NSL1: variants seen among roughly 807,000 people sequenced by gnomAD.
NSL1 encodes the protein kinetochore-associated protein NSL1 homolog.
Under a neutral mutation model 25.4 loss-of-function variants are expected in NSL1, and 11 were observed. That is an observed-to-expected ratio of 0.43 (90% CI 0.27 to 0.72). NSL1 has a LOEUF of 0.72. Ranked by LOEUF, NSL1 falls within the 30% of genes least tolerant of loss-of-function variation. NSL1 has a pLI of 0.19. For missense variants in NSL1, 330 were observed against 342.7 expected (o/e 0.96, Z 0.29); for synonymous variants, 118 against 120.6 (o/e 0.98, Z 0.14).
chr1:212,733,296 A>G lies in NSL1; in HGVS notation c.*5112T>C, dbSNP rs1413528102. 6.6e-6 allele frequency among the ~76,000 whole-genome samples: 1 copy of G among 152,016 alleles called. No individual in the cohort carries two copies. The highest frequency in any genetic ancestry group is 2.4e-5 in the African/African-American group (1 of 41,400). ...AAAATACAAAAATTAGCTGGGCATGATGGTGCATGCCTATAGTCCCACCTA... is the reference window on the plus strand; with the variant it reads ...AAAATACAAAAATTAGCTGGGCATGGTGGTGCATGCCTATAGTCCCACCTA... On this transcript the variant is annotated 3_prime_UTR_variant, in exon 6 of 6. Transcript: ENST00000366977.
intron 4 of NSL1, among the ~76,000 whole-genome samples, chr1:212,747,001 C>T (rs1036152472): frequency 1.3e-5 from 2 of 152,062 alleles, no homozygotes; most frequent in Admixed American, 6.6e-5. Context: ...AAAAATTAGC[C>T]AGGCATGGAG....
intron 4 of NSL1, among the ~76,000 whole-genome samples, chr1:212,775,133 A>G (rs1660302059): frequency 6.6e-6 from 1 of 152,214 alleles, no homozygotes; most frequent in Non-Finnish European, 1.5e-5. Flanking sequence ...TAATTGAAAG[A>G]AGCTGATCAC....
intron 4 of NSL1, among the ~76,000 whole-genome samples, chr1:212,747,871 T>C (rs1390330128): frequency 6.6e-6 from 1 of 152,130 alleles, no homozygotes; most frequent in African/African-American, 2.4e-5. Context: ...TTCAAGTGAT[T>C]GTCATATCTC....
chr1:212,774,238 G>A (rs1660253974), intron 4 of NSL1, among the ~76,000 whole-genome samples: 2 of 152,148 alleles, frequency 1.3e-5, no homozygotes, highest in African/African-American at 4.8e-5. Flanking sequence ...AGCTAGAAGA[G>A]AAGATCTGAA....
At chr1:212,767,851 C>T (rs902040206) in intron 4 of NSL1, among the ~76,000 whole-genome samples, 1 of 152,046 alleles carries the variant, frequency 6.6e-6, no homozygotes, top group Admixed American at 6.6e-5. Context: ...CAGAGAAATG[C>T]AAATTAAAAC....
Position 212,731,914 on chromosome 1 carries a change from A to G in NSL1, c.*6494T>C. On this transcript the variant is annotated 3_prime_UTR_variant, in exon 6 of 6. Coordinates refer to ENST00000366977, the MANE Select transcript of NSL1 (RefSeq NM_015471.4). ...CCCTGCCCCAGGACCCAGCAGCTATAAGGGCCTCCACACCCCACCTTACTG... is the reference window on the plus strand; with the variant it reads ...CCCTGCCCCAGGACCCAGCAGCTATGAGGGCCTCCACACCCCACCTTACTG... 2 of 985,368 alleles carry G rather than the reference A, an allele frequency of 2.0e-6. No individual in the cohort carries two copies. Among genetic ancestry groups the G allele is most frequent in the Non-Finnish European group, 2.4e-6 (2 of 829,910 alleles). The allele number at this position is 985,368 out of a possible 1,614,324, so 61.0% of individuals were successfully genotyped here. A position where few individuals can be genotyped will look rare whatever the true frequency, so the allele number is the denominator to read the frequency against.
intron 4 of NSL1, among the ~76,000 whole-genome samples, chr1:212,741,022 G>A (rs1658478490): frequency 6.6e-6 from 1 of 152,148 alleles, no homozygotes; most frequent in South Asian, 2.1e-4. Flanking sequence ...AAAATGGAAG[G>A]AAATGCTAAA....
intron 1 of NSL1, among the ~76,000 whole-genome samples, chr1:212,788,423 A>G (rs1167135918): frequency 6.6e-6 from 1 of 152,236 alleles, no homozygotes; most frequent in Admixed American, 6.5e-5. Flanking sequence ...CAAAATTTTG[A>G]CAACTGTTGA....
In NSL1 at chr1:212,731,151, T is replaced by C; in HGVS notation, c.*7257A>G. The C allele has an allele frequency of 1.1e-6, 1 of 942,358 alleles. No individual in the cohort carries two copies. The highest frequency in any genetic ancestry group is 5.1e-5 in the South Asian group (1 of 19,622). The allele number at this position is 942,358 out of a possible 1,614,324, so 58.4% of individuals were successfully genotyped here. A position where few individuals can be genotyped will look rare whatever the true frequency, so the allele number is the denominator to read the frequency against. ...TTTTTTTCTTCAGAGACTTTCATAA[T>C]ATAATCTATTTGCAAAACAAATGGT... On this transcript the variant is annotated 3_prime_UTR_variant, in exon 6 of 6. Coordinates refer to ENST00000366977, the MANE Select transcript of NSL1 (RefSeq NM_015471.4).
In NSL1 at chr1:212,755,503, A is replaced by G. The variant is rs543983243; in HGVS notation, c.500-15902T>C. Among the ~76,000 whole-genome samples the G allele has an allele frequency of 1.1e-3, 170 of 151,882 alleles. 3 individuals are homozygous for G. The Middle Eastern group carries it at 0.017, about 15-fold the overall frequency. On this transcript the variant is annotated intron_variant, in intron 4 of 5. Coordinates refer to ENST00000366977, the MANE Select transcript of NSL1 (RefSeq NM_015471.4). ...TAAGCAAGAAAAAAATTACCAATAA[A>G]AACCATGGAGTTGAACTATGTTACA...
Position 212,733,433 on chromosome 1 carries a change from C to CAAAAAAAA in NSL1, c.*4967_*4974dup, listed in dbSNP as rs140675222. Among the ~76,000 whole-genome samples the CAAAAAAAA allele has an allele frequency of 2.2e-5, 3 of 135,886 alleles. No individual in the cohort carries two copies. Among genetic ancestry groups the CAAAAAAAA allele is most frequent in the African/African-American group, 8.1e-5 (3 of 37,266 alleles). 89.1% of individuals were successfully genotyped at this position (135,886 alleles called of 152,430 possible). On this transcript the variant is annotated 3_prime_UTR_variant, in exon 6 of 6. Transcript: ENST00000366977. ...GGCAACACAGCAAGACCTTGTTTCA[C>CAAAAAAAA]AAAAAAAAAAAAAAAAAAATCCCAT...
Position 212,736,110 on chromosome 1 carries a change from T to A in NSL1, c.*2298A>T, listed in dbSNP as rs1337053480. On this transcript the variant is annotated 3_prime_UTR_variant, in exon 6 of 6. Coordinates refer to ENST00000366977, the MANE Select transcript of NSL1 (RefSeq NM_015471.4). Reference sequence around the variant, plus strand: ...TGGAGTACAGTGGTGCCATCCTGGCTCACTGCAACTTCTGCCTCCAGGGCT... The same window carrying A: ...TGGAGTACAGTGGTGCCATCCTGGCACACTGCAACTTCTGCCTCCAGGGCT... The A allele has an allele frequency of 1.4e-5, 13 of 923,134 alleles. No homozygotes were observed. Among genetic ancestry groups the A allele is most frequent in the Non-Finnish European group, 1.7e-5 (13 of 773,362 alleles). The allele number at this position is 923,134 out of a possible 1,614,324, so 57.2% of individuals were successfully genotyped here.
chr1:212,757,833 G>A (rs1241635063), intron 4 of NSL1, among the ~76,000 whole-genome samples: 1 of 152,216 alleles, frequency 6.6e-6, no homozygotes, highest in African/African-American at 2.4e-5. Context: ...ATTAATCAGT[G>A]AGAAAGCTAT....
Position 212,733,774 on chromosome 1 carries a change from G to A in NSL1, c.*4634C>T, listed in dbSNP as rs1465896181. ...AACCTGCTGCTACAAACATTTGTGT[G>A]TAAGTTATTGTGTGAGCATGTTTTC... On this transcript the variant is annotated 3_prime_UTR_variant, in exon 6 of 6. Transcript: ENST00000366977. Among the ~76,000 whole-genome samples, 4 of 152,212 alleles carry A rather than the reference G, an allele frequency of 2.6e-5. No homozygotes were observed. The South Asian group carries it at 8.3e-4, about 31-fold the overall frequency.
At chr1:212,755,973 A>G (rs1313075181) in intron 4 of NSL1, among the ~76,000 whole-genome samples, 1 of 152,212 alleles carries the variant, frequency 6.6e-6, no homozygotes, top group Non-Finnish European at 1.5e-5. Flanking sequence ...TGCCCCCAAA[A>G]TGTCCAGTGC....
At position 212,734,682 on chromosome 1, in the gene NSL1, T is replaced by C. The variant is rs549175522; in HGVS notation, c.*3726A>G. On this transcript the variant is annotated 3_prime_UTR_variant, in exon 6 of 6. Transcript: ENST00000366977. The stretch of plus-strand genomic sequence containing the variant: ...ATAGTATCTTTGATATTGATCCACA[T>C]TGTTATAACAGTAATTTGTTCTTTA... Among the ~76,000 whole-genome samples the C allele has an allele frequency of 1.3e-5, 2 of 152,226 alleles. No homozygotes were observed. The highest frequency in any genetic ancestry group is 1.9e-4 in the East Asian group (1 of 5,206).
chr1:212,738,400 G>A lies in NSL1; in HGVS notation c.*8C>T. 2.5e-6 allele frequency: 4 copies of A among 1,600,634 alleles called. No homozygotes were observed. Among genetic ancestry groups the A allele is most frequent in the South Asian group, 1.1e-5 (1 of 88,986 alleles). The stretch of plus-strand genomic sequence containing the variant: ...CTATTTTCAACTCCCAAAATAAACA[G>A]AAAGAGCTCATGTATCAAGATTAAT... On this transcript the variant is annotated 3_prime_UTR_variant, in exon 6 of 6. Transcript: ENST00000366977.
chr1:212,730,747 C>T lies in NSL1; in HGVS notation c.*7661G>A, dbSNP rs147775510. ...GGGAATTAGACTTAGTTCTAGTAGA[C>T]GTAGTTCTAGTAGACAGGAGACTCT... On this transcript the variant is annotated 3_prime_UTR_variant, in exon 6 of 6. Coordinates refer to ENST00000366977, the MANE Select transcript of NSL1 (RefSeq NM_015471.4). The T allele has an allele frequency of 6.2e-5, 61 of 985,332 alleles. No homozygotes were observed. The highest frequency in any genetic ancestry group is 4.5e-4 in the African/African-American group (26 of 57,314). The allele number at this position is 985,332 out of a possible 1,614,324, so 61.0% of individuals were successfully genotyped here.
rs1657958609 is a variant in NSL1, at chr1:212,730,236, T to TAAA, written c.*8171_*8172insTTT. On this transcript the variant is annotated 3_prime_UTR_variant, in exon 6 of 6. Coordinates refer to ENST00000366977, the MANE Select transcript of NSL1 (RefSeq NM_015471.4). ...CTACACTCCAGCCTGGGTGACAGTC[T>TAAA]CAAAAAAAAAAAAAAAAAAAAAAAA... 1 of 223,616 alleles carries TAAA rather than the reference T, an allele frequency of 4.5e-6. No individual in the cohort carries two copies. The highest frequency in any genetic ancestry group is 9.3e-4 in the Admixed American group (1 of 1,078). 13.9% of individuals were successfully genotyped at this position (223,616 alleles called of 1,614,324 possible). A position where few individuals can be genotyped will look rare whatever the true frequency, so the allele number is the denominator to read the frequency against.
Sources: allele counts gnomAD v4.1 joint callset (sites outside exome capture counted in the v4.1 genomes callset), GRCh38; gene constraint gnomAD v4.1.1; transcripts MANE v1.5; gene names NCBI Gene and HGNC (gene_info 2026-07-23, HGNC 2026-07-21).